Variants in TRHDE observed in about 807,000 individuals in gnomAD.
TRHDE encodes the protein thyrotropin-releasing hormone-degrading ectoenzyme.
A neutral mutation model predicts 125.7 loss-of-function variants in TRHDE; 72 were observed. That is an observed-to-expected ratio of 0.57 (90% CI 0.47 to 0.70). The LOEUF is 0.70. TRHDE is among the 30% of genes least tolerant of loss of function. The pLI is 0.00. For synonymous variants in TRHDE, 509 were observed against 509.1 expected (o/e 1.00, Z 0.00); for missense variants, 1,110 against 1,327.1 (o/e 0.84, Z 2.54).
chr12:72,634,411 T>G (rs1873629847), intron 15 of TRHDE, among the ~76,000 whole-genome samples: 1 of 152,024 alleles, frequency 6.6e-6, no homozygotes, highest in South Asian at 2.1e-4. Flanking sequence ...AGAACAAGAT[T>G]TGGAATATTT....
chr12:72,609,447 CTTTCT>C (rs1872560710), intron 12 of TRHDE, among the ~76,000 whole-genome samples: 1 of 151,850 alleles, frequency 6.6e-6, no homozygotes, highest in South Asian at 2.1e-4. Flanking sequence ...CTGCTCTTTT[CTTTCT>C]TTATTTTTTT....
chr12:72,177,626 G>T (rs1473816775), intron 2 of TRHDE, among the ~76,000 whole-genome samples: 1 of 151,782 alleles, frequency 6.6e-6, no homozygotes, highest in Non-Finnish European at 1.5e-5. Flanking sequence ...TACAAAACTA[G>T]GTTTATAGAA....
intron 2 of TRHDE, among the ~76,000 whole-genome samples, chr12:72,177,612 T>C (rs1877016661): frequency 6.6e-6 from 1 of 152,184 alleles, no homozygotes; most frequent in South Asian, 2.1e-4. Flanking sequence ...CCAATTTTTT[T>C]TTCTACAAAA....
chr12:72,304,885 T>C (rs892647476), intron 2 of TRHDE, among the ~76,000 whole-genome samples: 1 of 152,196 alleles, frequency 6.6e-6, no homozygotes, highest in African/African-American at 2.4e-5. Context: ...CTGATGTCTC[T>C]AGGGAAGTAT....
chr12:72,356,954 A>G (rs144495381), intron 2 of TRHDE, among the ~76,000 whole-genome samples: 11 of 151,662 alleles, frequency 7.3e-5, no homozygotes, highest in African/African-American at 2.7e-4. Flanking sequence ...TGCATATAGT[A>G]TGGATAAAAT....
At chr12:72,152,561 G>A (rs1361910241) in intron 2 of TRHDE, among the ~76,000 whole-genome samples, 2 of 152,158 alleles carry the variant, frequency 1.3e-5, no homozygotes, top group South Asian at 4.1e-4. Context: ...ATTATTTTGA[G>A]ATACGTCCCA....
intron 12 of TRHDE, among the ~76,000 whole-genome samples, chr12:72,616,102 G>A (rs1310110372): frequency 1.3e-5 from 2 of 152,082 alleles, no homozygotes; most frequent in African/African-American, 4.8e-5. Flanking sequence ...TCTGCCAAAA[G>A]GACTCAAAAC....
chr12:72,614,166 C>T (rs1343921849), intron 12 of TRHDE, among the ~76,000 whole-genome samples: 1 of 151,738 alleles, frequency 6.6e-6, no homozygotes, highest in Non-Finnish European at 1.5e-5. Flanking sequence ...GGCCCCACCT[C>T]CAGCATTGGG....
At chr12:72,477,596 C>A (rs1053932258) in intron 5 of TRHDE, among the ~76,000 whole-genome samples, 1 of 152,104 alleles carries the variant, frequency 6.6e-6, no homozygotes, top group Non-Finnish European at 1.5e-5. Flanking sequence ...TTACAGTATG[C>A]CATTGATGGC....
chr12:72,553,345 G>T, intron 7 of TRHDE, among the ~76,000 whole-genome samples: 1 of 152,130 alleles, frequency 6.6e-6, no homozygotes, highest in East Asian at 1.9e-4. Flanking sequence ...AAAAAGATGA[G>T]GCTTTTTTCT....
At chr12:72,271,793 G>T, upstream of TRHDE, 1 of 407,882 alleles carries the variant, frequency 2.5e-6, no homozygotes, top group Non-Finnish European at 5.0e-6. Flanking sequence ...TCCCCCTTGG[G>T]ATATGGAGCA....
intron 2 of TRHDE, among the ~76,000 whole-genome samples, chr12:72,303,507 CT>C (rs997899377): frequency 1.3e-5 from 2 of 151,992 alleles, no homozygotes; most frequent in African/African-American, 4.8e-5. Flanking sequence ...CACCTGGGGA[CT>C]TTTTTTCAAA....
chr12:72,499,482 G>C lies in TRHDE; in HGVS notation c.1585-16G>C. 2 of 1,612,476 alleles carry C rather than the reference G, an allele frequency of 1.2e-6. No individual in the cohort carries two copies. Among genetic ancestry groups the C allele is most frequent in the Non-Finnish European group, 1.7e-6 (2 of 1,179,260 alleles). ...TATGAATCACCTATGATATTGCCCC[G>C]TCTGCTGTATTGCAGGAAAAGCAGA... On this transcript the variant is annotated splice_polypyrimidine_tract_variant and intron_variant, in intron 5 of 18. Transcript: ENST00000261180.
chr12:72,575,222 G>A (rs373566841), intron 10 of TRHDE, 33 bp from the exon 11 acceptor site: 8 of 1,606,540 alleles, frequency 5.0e-6, no homozygotes, highest in Non-Finnish European at 6.8e-6. Context: ...AACTCTTAAA[G>A]TTTGAAATCT....
chr12:72,183,366 A>C (rs148359204), intron 2 of TRHDE, among the ~76,000 whole-genome samples: 36 of 152,330 alleles, frequency 2.4e-4, no homozygotes, highest in African/African-American at 8.4e-4. Context: ...ACAGAATGTG[A>C]TAAGGAGCAC....
chr12:72,090,595 C>G (rs944104527), intron 1 of TRHDE, among the ~76,000 whole-genome samples: 1 of 151,972 alleles, frequency 6.6e-6, no homozygotes, highest in Admixed American at 6.6e-5. Context: ...CTGCCCATTG[C>G]CTTAAATATG....
chr12:72,356,981 T>C (rs555417251), intron 2 of TRHDE, among the ~76,000 whole-genome samples: 1 of 151,644 alleles, frequency 6.6e-6, no homozygotes, highest in African/African-American at 2.4e-5. Context: ...ATGCCTGTGA[T>C]TTCCTTTAGA....
chr12:72,116,864 T>C (rs1241415565), intron 2 of TRHDE, among the ~76,000 whole-genome samples: 1 of 152,170 alleles, frequency 6.6e-6, no homozygotes, highest in African/African-American at 2.4e-5. Context: ...ATTTTGACTT[T>C]TGTTGCAATT....
chr12:72,105,110 T>C (rs893315326), intron 1 of TRHDE, among the ~76,000 whole-genome samples: 3 of 152,244 alleles, frequency 2.0e-5, no homozygotes, highest in East Asian at 3.9e-4. Context: ...CCTCAGACTT[T>C]AGAGCTACCA....
Sources: allele counts gnomAD v4.1 joint callset (sites outside exome capture counted in the v4.1 genomes callset), GRCh38; gene constraint gnomAD v4.1.1; transcripts MANE v1.5; gene names NCBI Gene and HGNC (gene_info 2026-07-23, HGNC 2026-07-21).